The following ITIH2 variants were observed in gnomAD, a reference collection of about 807,000 sequenced individuals.
ITIH2 encodes the protein inter-alpha-trypsin inhibitor heavy chain H2.
Under a neutral mutation model 104.4 loss-of-function variants are expected in ITIH2, and 103 were observed. The observed-to-expected ratio is 0.99, with a 90% CI of 0.84 to 1.16. ITIH2 has a LOEUF of 1.16. ITIH2 is among the 50% of genes most tolerant of loss of function. ITIH2 has a pLI of 0.00. For missense variants in ITIH2, 1,108 were observed against 1,162.4 expected, an observed-to-expected ratio of 0.95 and a Z score of 0.68; for synonymous variants, 436 against 435.4, an observed-to-expected ratio of 1.00 and a Z score of -0.02.
At chr10:7,716,184 C>T (rs1189202330) in intron 5 of ITIH2, among the ~76,000 whole-genome samples, 1 of 152,098 alleles carries the variant, frequency 6.6e-6, no homozygotes, top group Non-Finnish European at 1.5e-5. Flanking sequence ...AGGATTTCAC[C>T]ATGTTGGCCA....
At chr10:7,726,227 GAA>G (rs1455983146) in intron 9 of ITIH2, among the ~76,000 whole-genome samples, 1 of 152,140 alleles carries the variant, frequency 6.6e-6, no homozygotes, top group East Asian at 1.9e-4. Flanking sequence ...GAGAAATGAA[GAA>G]AGTGGATGCA....
At chr10:7,739,132 T>G (rs1375691147) in intron 16 of ITIH2, among the ~76,000 whole-genome samples, 1 of 152,140 alleles carries the variant, frequency 6.6e-6, no homozygotes, top group Non-Finnish European at 1.5e-5. Flanking sequence ...TGCCTTTCCA[T>G]TGACAACCTC....
At chr10:7,713,641 GT>G (rs1463239032) in intron 5 of ITIH2, among the ~76,000 whole-genome samples, 5 of 152,208 alleles carry the variant, frequency 3.3e-5, no homozygotes, top group Admixed American at 1.3e-4. Flanking sequence ...AGAAGGAAAA[GT>G]TTGAAATTTG....
intron 5 of ITIH2, 106 bp from the exon 6 acceptor site, chr10:7,717,520 A>T: frequency 2.1e-6 from 2 of 975,178 alleles, no homozygotes; most frequent in Non-Finnish European, 3.2e-6. Context: ...TGAACTACTG[A>T]GCAGAACGGA....
rs1455759573 is a variant in ITIH2, at chr10:7,705,718, AAAG to A, written c.159+539_159+541del. Among the ~76,000 whole-genome samples, 6 of 151,848 alleles carry A rather than the reference AAAG, an allele frequency of 4.0e-5. No homozygotes were observed. The East Asian group carries it at 9.7e-4, about 24-fold the overall frequency. On this transcript the variant is annotated intron_variant, in intron 2 of 20. Transcript: ENST00000358415. ...CTCCATTTAAAAAAAAAAAAAAAAA[AAAG>A]AATACATGGCTATGTGTTTTCTTCA...
chr10:7,703,684 C>T (rs1451207667), intron 1 of ITIH2, among the ~76,000 whole-genome samples, 166 bp downstream of exon 1: 2 of 152,162 alleles, frequency 1.3e-5, no homozygotes, highest in Non-Finnish European at 2.9e-5. Flanking sequence ...TGTATATTTA[C>T]CTTTTAAAGC....
intron 16 of ITIH2, among the ~76,000 whole-genome samples, chr10:7,740,843 A>G (rs942397485): frequency 6.6e-6 from 1 of 152,170 alleles, no homozygotes; most frequent in African/African-American, 2.4e-5. Flanking sequence ...GTTATCACTG[A>G]CCAGTGTTCT....
chr10:7,744,414 G>A, intron 18 of ITIH2, 134 bp downstream of exon 18: 1 of 804,400 alleles, frequency 1.2e-6, no homozygotes, highest in South Asian at 1.8e-5. Flanking sequence ...CAGAAAAATT[G>A]TTCTCACTCC....
intron 20 of ITIH2, among the ~76,000 whole-genome samples, chr10:7,746,970 C>A (rs1450569986): frequency 6.6e-6 from 1 of 152,162 alleles, no homozygotes; most frequent in South Asian, 2.1e-4. Flanking sequence ...GAAGCCCTCA[C>A]AAGAGCTTCA....
rs188564862 is a variant in ITIH2 at position 7,732,768 on chromosome 10, C to T, written c.1787+291C>T. 6.3e-3 allele frequency among the ~76,000 whole-genome samples: 959 copies of T among 152,122 alleles called. 10 individuals carry two copies. Among genetic ancestry groups the T allele is most frequent in the South Asian group, 0.011 (53 of 4,804 alleles). ...TTTGAGGCAGAGTCTCGCTCTGTCT[C>T]CCAGGCTGGAGTGCAGTGACGCCAT... On this transcript the variant is annotated intron_variant, in intron 14 of 20. Transcript: ENST00000358415.
chr10:7,733,686 C>T (rs1022401345), intron 14 of ITIH2, among the ~76,000 whole-genome samples: 1 of 152,132 alleles, frequency 6.6e-6, no homozygotes, highest in Non-Finnish European at 1.5e-5. Flanking sequence ...AAAACTATAT[C>T]CCCAGAGCAA....
intron 20 of ITIH2, among the ~76,000 whole-genome samples, chr10:7,747,880 CAGAG>C (rs1265926346): frequency 6.7e-6 from 1 of 150,200 alleles, no homozygotes; most frequent in East Asian, 2.0e-4. Context: ...GCTTGGGTAA[CAGAG>C]AGAGACCTGT....
chr10:7,717,237 C>T (rs1834858971), intron 5 of ITIH2, among the ~76,000 whole-genome samples: 1 of 152,196 alleles, frequency 6.6e-6, no homozygotes, highest in Non-Finnish European at 1.5e-5. Context: ...CAGGCATGAA[C>T]CACCACACCC....
Position 7,746,163 on chromosome 10 carries a change from G to A in ITIH2, c.2582-430G>A, listed in dbSNP as rs139446394. Among the ~76,000 whole-genome samples, 836 of 144,464 alleles carry A rather than the reference G, an allele frequency of 5.8e-3. 8 individuals are homozygous for A. Among genetic ancestry groups the A allele is most frequent in the African/African-American group, 0.019 (746 of 39,258 alleles). 94.8% of individuals were successfully genotyped at this position (144,464 alleles called of 152,430 possible). A position where few individuals can be genotyped will look rare whatever the true frequency, so the allele number is the denominator to read the frequency against. ...TTTGGGAGGCTGAGGTGGGTGGATC[G>A]CTTGAGTCCAGGAGTTCAAGATCAA... On this transcript the variant is annotated intron_variant, in intron 19 of 20. Transcript: ENST00000358415.
chr10:7,722,645 T>C (rs1052463659), intron 8 of ITIH2, among the ~76,000 whole-genome samples: 4 of 152,104 alleles, frequency 2.6e-5, no homozygotes, highest in Admixed American at 2.6e-4. Flanking sequence ...GGAACTCTCT[T>C]CCCCATTCCC....
intron 3 of ITIH2, among the ~76,000 whole-genome samples, chr10:7,708,564 G>A (rs1834767823): frequency 6.6e-6 from 1 of 152,094 alleles, no homozygotes; most frequent in Non-Finnish European, 1.5e-5. Context: ...GTTGGTGGAG[G>A]CCATATGTGT....
rs552471275 is a variant in ITIH2, at chr10:7,743,102, T to A, written c.2096-44T>A. ...AATGACATAGTGCTCAAAATCATCT[T>A]CCTTTTAATGATTTTGTTTACGTTT... On this transcript the variant is annotated intron_variant, in intron 16 of 20. Coordinates refer to ENST00000358415, the MANE Select transcript of ITIH2 (RefSeq NM_002216.3). 146 of 910,126 alleles carry A rather than the reference T, an allele frequency of 1.6e-4. 2 individuals are homozygous for A. In the Middle Eastern group the frequency reaches 2.5e-3, roughly 16 times the overall value. 56.4% of individuals were successfully genotyped at this position (910,126 alleles called of 1,614,324 possible).
Position 7,744,148 on chromosome 10 carries a change from T to C in ITIH2, c.2276T>C (p.Phe759Ser), listed in dbSNP as rs201237029. 6.2e-7 allele frequency: 1 copy of C among 1,614,122 alleles called. No homozygotes were observed. The highest frequency in any genetic ancestry group is 8.5e-7 in the Non-Finnish European group (1 of 1,180,010). ...AACAATGGAAAACTAAGCACCTATT[T>C]TGGAAAACTGGGATTTTATTTCCAA... Reference protein sequence around the residue: ...KPNNGKLSTYFGKLGFYFQSE... With the variant: ...KPNNGKLSTYSGKLGFYFQSE... The change falls in exon 18 of 21, where the codon TTT becomes TCT. Residue 759 changes from phenylalanine to serine, a missense_variant. Physicochemically the swap from Phe to Ser is radical, Grantham distance 155. Transcript: ENST00000358415.
rs935202517 is a variant in ITIH2, at chr10:7,724,465, G to C, written c.984+898G>C. 2.6e-5 allele frequency among the ~76,000 whole-genome samples: 4 copies of C among 151,180 alleles called. No individual in the cohort carries two copies. In the South Asian group the frequency reaches 6.3e-4, roughly 24 times the overall value. ...CATGCCTGTAATCCCAGCTACTCGG[G>C]AGGCTGAGGCAGGAGAATTGCTTGA... is the stretch of plus-strand genomic sequence containing the variant. On this transcript the variant is annotated intron_variant, in intron 9 of 20. Transcript: ENST00000358415.
Sources: gnomAD v4.1 joint callset for allele counts (sites outside exome capture counted in the v4.1 genomes callset) on GRCh38, gnomAD v4.1.1 for gene constraint, MANE v1.5 for transcripts, NCBI Gene and HGNC (gene_info 2026-07-23, HGNC 2026-07-21) for gene names.